PCDHGB1: variants seen among roughly 807,000 people sequenced by gnomAD.
PCDHGB1 encodes protocadherin gamma-B1.
Under a neutral mutation model 56.6 loss-of-function variants are expected in PCDHGB1, and 34 were observed. That is an observed-to-expected ratio of 0.60 (90% confidence interval 0.46 to 0.80). The LOEUF (loss-of-function observed/expected upper bound fraction) is 0.80. PCDHGB1 is among the 30% of genes least tolerant of loss of function. PCDHGB1 has a pLI of 0.00. For synonymous variants in PCDHGB1, 561 were observed against 505.9 expected (o/e 1.11, Z -1.46); for missense variants, 1,278 against 1,204.6 (o/e 1.06, Z -0.90).
Position 141,376,352 on chromosome 5 carries a change from G to A in PCDHGB1, c.2409+23683G>A, listed in dbSNP as rs919062386. On this transcript the variant is annotated intron_variant, in intron 1 of 3. Coordinates refer to ENST00000523390, the MANE Select transcript of PCDHGB1 (RefSeq NM_018922.3). Reference sequence around the variant, plus strand: ...TTTCCTGCAGACCTATTCCCACGAGGTCTCACTCACTGCAGACTCGCGTAA... The same window carrying A: ...TTTCCTGCAGACCTATTCCCACGAGATCTCACTCACTGCAGACTCGCGTAA... 3.9e-5 allele frequency: 63 copies of A among 1,614,164 alleles called. No homozygotes were observed. In the East Asian group the frequency reaches 1.4e-3, roughly 35 times the overall value.
chr5:141,427,896 C>G, intron 1 of PCDHGB1: 1 of 1,570,508 alleles, frequency 6.4e-7, no homozygotes, highest in East Asian at 2.2e-5. Context: ...CCAGGGCTCG[C>G]CCGCGCTCAG....
At position 141,485,287 on chromosome 5, in the gene PCDHGB1, G is replaced by A. The variant is rs1396496143; in HGVS notation, c.2410-9520G>A. 5.0e-6 allele frequency: 8 copies of A among 1,614,064 alleles called. No individual in the cohort carries two copies. The highest frequency in any genetic ancestry group is 6.8e-6 in the Non-Finnish European group (8 of 1,180,002). On this transcript the variant is annotated intron_variant, in intron 1 of 3. Transcript: ENST00000523390. The surrounding 1 kb of genome is among the most constrained non-coding windows in gnomAD (Gnocchi z 5.7). ...AGATCCGCTACCCGGTCCCAGAGGA[G>A]TCACAGGAAGGGACTTTTGTAGGGA...
At position 141,410,085 on chromosome 5, in the gene PCDHGB1, C is replaced by G; in HGVS notation, c.2409+57416C>G. 3 of 1,612,476 alleles carry G rather than the reference C, an allele frequency of 1.9e-6. No homozygotes were observed. In the South Asian group the frequency reaches 3.3e-5, roughly 18 times the overall value. On this transcript the variant is annotated intron_variant, in intron 1 of 3. Transcript: ENST00000523390. Reference sequence around the variant, plus strand: ...GGGCTGCGCACTGGGGAGGTGCGCACGGCTCGAGCCTTAGGCGACAGGGAC... The same window carrying G: ...GGGCTGCGCACTGGGGAGGTGCGCAGGGCTCGAGCCTTAGGCGACAGGGAC...
At position 141,351,206 on chromosome 5, in the gene PCDHGB1, G is replaced by T; in HGVS notation, c.946G>T (p.Glu316Ter). ...EETSRYVLSV[E>*]AKDGGVHTAH... The stretch of plus-strand genomic sequence containing the variant: ...GACAAGTAGATATGTGTTGAGTGTG[G>T]AAGCTAAGGATGGAGGAGTACACAC... Residue 316 changes from glutamate (E) to a stop codon, truncating the protein, a stop_gained, in exon 1 of 4, where the codon GAA (glutamate) becomes TAA (stop). Transcript: ENST00000523390. LOFTEE classifies it high-confidence loss of function. 1 of 1,614,040 alleles carries T rather than the reference G, an allele frequency of 6.2e-7. No homozygotes were observed. The highest frequency in any genetic ancestry group is 8.5e-7 in the Non-Finnish European group (1 of 1,179,898).
In PCDHGB1 at chr5:141,491,359, G is replaced by C. The variant is rs764159829; in HGVS notation, c.2410-3448G>C. 3 of 1,614,154 alleles carry C rather than the reference G, an allele frequency of 1.9e-6. No homozygotes were observed. In the East Asian group the frequency reaches 6.7e-5, roughly 36 times the overall value. On this transcript the variant is annotated intron_variant, in intron 1 of 3. Coordinates refer to ENST00000523390, the MANE Select transcript of PCDHGB1 (RefSeq NM_018922.3). This position sits in a 1 kb window ranked among gnomAD's most constrained non-coding sequence, Gnocchi z 6.9. ...AGCGACCGTCAGTCTCTTATCCCTA[G>C]TCACCTTCACCTTTCTGTCAGCGAA...
chr5:141,374,484 T>C, intron 1 of PCDHGB1: 1 of 1,611,588 alleles, frequency 6.2e-7, no homozygotes. Flanking sequence ...CCCCGATTCT[T>C]AAAGGAAGAA....
chr5:141,383,204 G>A lies in PCDHGB1; in HGVS notation c.2409+30535G>A, dbSNP rs372087170. 3 of 1,613,922 alleles carry A rather than the reference G, an allele frequency of 1.9e-6. No individual in the cohort carries two copies. In the African/African-American group the frequency reaches 4.0e-5, roughly 22 times the overall value. On this transcript the variant is annotated intron_variant, in intron 1 of 3. Coordinates refer to ENST00000523390, the MANE Select transcript of PCDHGB1 (RefSeq NM_018922.3). ...GAGATCTGCGCTCAGAGTGCGCGGTGTCTGGTAAACTTTAACATCCTGATG... is the reference window on the plus strand; with the variant it reads ...GAGATCTGCGCTCAGAGTGCGCGGTATCTGGTAAACTTTAACATCCTGATG...
At position 141,486,028 on chromosome 5, in the gene PCDHGB1, C is replaced by T; in HGVS notation, c.2410-8779C>T. On this transcript the variant is annotated intron_variant, in intron 1 of 3. Transcript: ENST00000523390. This position sits in a 1 kb window ranked among gnomAD's most constrained non-coding sequence, Gnocchi z 5.0. ...TCACCTTTTATTTCAGTGGTCATAC[C>T]CCTGATCGTGTAAGAAACCTCTTTA... The T allele has an allele frequency of 6.2e-7, 1 of 1,614,134 alleles. No individual in the cohort carries two copies. Among genetic ancestry groups the T allele is most frequent in the Non-Finnish European group, 8.5e-7 (1 of 1,180,020 alleles).
chr5:141,366,559 G>C, intron 1 of PCDHGB1: 2 of 1,614,270 alleles, frequency 1.2e-6, no homozygotes, highest in South Asian at 2.2e-5. Context: ...TTGTGGGCGT[G>C]GATGGGGTTC....
intron 1 of PCDHGB1, among the ~76,000 whole-genome samples, chr5:141,373,008 C>T (rs1031800528): frequency 6.6e-6 from 1 of 152,074 alleles, no homozygotes; most frequent in Non-Finnish European, 1.5e-5. Flanking sequence ...CATAGAAAGC[C>T]TCCTTTTGAT....
intron 1 of PCDHGB1, chr5:141,366,889 A>G (rs1764852255): frequency 1.6e-6 from 2 of 1,264,154 alleles, no homozygotes; most frequent in African/African-American, 1.5e-5. Flanking sequence ...TTTTTTTTAT[A>G]TAATTCATGC....
At chr5:141,393,886 A>G (rs944974638) in intron 1 of PCDHGB1, 3 of 1,614,034 alleles carry the variant, frequency 1.9e-6, no homozygotes, top group Admixed American at 1.7e-5. Context: ...CCAGTGTTAG[A>G]AAATTCTCTT....
chr5:141,429,387 T>TTAA (rs775632416), intron 1 of PCDHGB1, among the ~76,000 whole-genome samples: 1 of 151,334 alleles, frequency 6.6e-6, no homozygotes, highest in Non-Finnish European at 1.5e-5. Flanking sequence ...GTTTTTTTTT[T>TTAA]AAAAAAAATT....
chr5:141,476,837 G>A lies in PCDHGB1; in HGVS notation c.2410-17970G>A, dbSNP rs1160244271. 4 of 1,613,534 alleles carry A rather than the reference G, an allele frequency of 2.5e-6. No individual in the cohort carries two copies. The highest frequency in any genetic ancestry group is 3.4e-6 in the Non-Finnish European group (4 of 1,180,054). On this transcript the variant is annotated intron_variant, in intron 1 of 3. Coordinates refer to ENST00000523390, the MANE Select transcript of PCDHGB1 (RefSeq NM_018922.3). The surrounding 1 kb of genome is among the most constrained non-coding windows in gnomAD (Gnocchi z 7.6). Reference sequence around the variant, plus strand: ...CAAGGTGCTGGACGCGAATGACAATGCGCCTGTCTTCAACCAGTCCTTGTA... The same window carrying A: ...CAAGGTGCTGGACGCGAATGACAATACGCCTGTCTTCAACCAGTCCTTGTA...
chr5:141,362,158 C>G, intron 1 of PCDHGB1: 1 of 1,614,034 alleles, frequency 6.2e-7, no homozygotes, highest in South Asian at 1.1e-5. Flanking sequence ...ATTGCCAGAC[C>G]TCAGCGACCG....
rs776965684 is a variant in PCDHGB1, at chr5:141,355,402, T to A, written c.2409+2733T>A. 2.2e-5 allele frequency: 36 copies of A among 1,613,938 alleles called. No individual in the cohort carries two copies. The highest frequency in any genetic ancestry group is 1.6e-4 in the Middle Eastern group (1 of 6,082). ...GGCGGAGCGCGGAGTCCGCATCGTC[T>A]CCAGAGGTAGGACGCAGCTTTTCGC... is the stretch of plus-strand genomic sequence containing the variant. On this transcript the variant is annotated intron_variant, in intron 1 of 3. Coordinates refer to ENST00000523390, the MANE Select transcript of PCDHGB1 (RefSeq NM_018922.3).
chr5:141,364,391 G>C, intron 1 of PCDHGB1: 1 of 1,602,644 alleles, frequency 6.2e-7, no homozygotes. Context: ...CATGCTCCTG[G>C]GGACGCTGTG....
chr5:141,366,741 G>A lies in PCDHGB1; in HGVS notation c.2409+14072G>A, dbSNP rs772947820. 7.4e-6 allele frequency: 12 copies of A among 1,611,708 alleles called. No homozygotes were observed. The highest frequency in any genetic ancestry group is 1.3e-5 in the African/African-American group (1 of 74,862). On this transcript the variant is annotated intron_variant, in intron 1 of 3. Coordinates refer to ENST00000523390, the MANE Select transcript of PCDHGB1 (RefSeq NM_018922.3). ...AAGGTAGATGCAAACAAAGAAGAAC[G>A]GCGAGTTCAGGTTAGTTTTCTCTTT...
intron 1 of PCDHGB1, chr5:141,388,337 A>C: frequency 6.2e-7 from 1 of 1,613,990 alleles, no homozygotes; most frequent in Non-Finnish European, 8.5e-7. Context: ...CTGGCACACG[A>C]TTTATATTAG....
Sources: gnomAD v4.1 joint callset for allele counts (sites outside exome capture counted in the v4.1 genomes callset) on GRCh38, gnomAD v4.1.1 for gene constraint, Gnocchi (gnomAD v3.1) non-coding constraint, MANE v1.5 for transcripts, NCBI Gene and HGNC (gene_info 2026-07-23, HGNC 2026-07-21) for gene names.